Variants in CTNNA3 observed in about 807,000 individuals in gnomAD.
CTNNA3 encodes the protein catenin alpha-3.
A neutral mutation model predicts 95.7 loss-of-function variants in CTNNA3; 76 were observed. The ratio of observed to expected loss-of-function variants is 0.79; its 90% CI spans 0.66 to 0.96. The LOEUF (loss-of-function observed/expected upper bound fraction) is 0.96. CTNNA3 is among the 40% of genes least tolerant of loss of function. The pLI is 0.00. For missense variants in CTNNA3, 1,191 were observed against 1,089.8 expected (o/e 1.09, Z -1.31); for synonymous variants, 431 against 374.4 (o/e 1.15, Z -1.74).
At chr10:66,064,538 C>A (rs2080274588) in intron 15 of CTNNA3, among the ~76,000 whole-genome samples, 1 of 152,020 alleles carries the variant, frequency 6.6e-6, no homozygotes, top group South Asian at 2.1e-4. Flanking sequence ...TAAAGATGGC[C>A]TTTATTTAAA....
intron 12 of CTNNA3, among the ~76,000 whole-genome samples, chr10:66,332,861 CT>C (rs1213172816): frequency 6.6e-6 from 1 of 151,938 alleles, no homozygotes; most frequent in East Asian, 1.9e-4. Flanking sequence ...TGGTCCTGGA[CT>C]TTTTTTGGTT....
chr10:67,131,510 G>A (rs369261905), intron 7 of CTNNA3, among the ~76,000 whole-genome samples: 87 of 152,052 alleles, frequency 5.7e-4, no homozygotes, highest in African/African-American at 2.0e-3. Flanking sequence ...TCATTATGCC[G>A]GGTGTTGGTA....
intron 13 of CTNNA3, among the ~76,000 whole-genome samples, chr10:66,103,604 A>G (rs2081743270): frequency 6.6e-6 from 1 of 152,196 alleles, no homozygotes; most frequent in Non-Finnish European, 1.5e-5. Context: ...ACATCATCCT[A>G]AGTGAAGGGA....
At chr10:67,122,819 G>A (rs532194483) in intron 7 of CTNNA3, among the ~76,000 whole-genome samples, 2 of 152,082 alleles carry the variant, frequency 1.3e-5, no homozygotes, top group Non-Finnish European at 2.9e-5. Flanking sequence ...CAGGAGCATC[G>A]GTCTGATGAG....
intron 7 of CTNNA3, among the ~76,000 whole-genome samples, chr10:66,982,264 G>A (rs1385110855): frequency 6.6e-6 from 1 of 152,158 alleles, no homozygotes; most frequent in African/African-American, 2.4e-5. Flanking sequence ...ATGTAAAACA[G>A]AGGCCAATTG....
chr10:67,501,747 G>A (rs538704148), intron 5 of CTNNA3, among the ~76,000 whole-genome samples: 1 of 151,994 alleles, frequency 6.6e-6, no homozygotes, highest in Non-Finnish European at 1.5e-5. Context: ...TCTTCCGCTT[G>A]ATCGATTCAG....
chr10:65,952,200 C>T (rs1319056316), intron 17 of CTNNA3, among the ~76,000 whole-genome samples: 1 of 151,982 alleles, frequency 6.6e-6, no homozygotes, highest in East Asian at 1.9e-4. Flanking sequence ...ATTAGTTTAC[C>T]TAGATATCAA....
chr10:66,719,052 C>T (rs1848544098), intron 9 of CTNNA3, among the ~76,000 whole-genome samples: 3 of 152,158 alleles, frequency 2.0e-5, no homozygotes, highest in South Asian at 2.1e-4. Flanking sequence ...TGTATCAAAT[C>T]ACTCAATGTT....
rs992226413 is a variant in CTNNA3 at position 67,346,563 on chromosome 10, G to T, written c.580-126693C>A. On this transcript the variant is annotated intron_variant, in intron 5 of 17. Coordinates refer to ENST00000433211, the MANE Select transcript of CTNNA3 (RefSeq NM_013266.4). ...TTTAAATTAAATTAATGAATAAATGGACCTTATTAGAACAGACGAGGCTTG... is the reference window on the plus strand; with the variant it reads ...TTTAAATTAAATTAATGAATAAATGTACCTTATTAGAACAGACGAGGCTTG... 2.3e-5 allele frequency: 4 copies of T among 172,010 alleles called. No homozygotes were observed. In the South Asian group the frequency reaches 3.3e-4, roughly 14 times the overall value. 10.7% of individuals were successfully genotyped at this position (172,010 alleles called of 1,614,324 possible).
intron 7 of CTNNA3, among the ~76,000 whole-genome samples, chr10:66,952,148 A>G (rs1268332316): frequency 1.3e-5 from 2 of 152,198 alleles, no homozygotes; most frequent in East Asian, 3.8e-4. Flanking sequence ...AATCACGTCA[A>G]CCACCACTGG....
At chr10:67,266,126 A>G (rs1234325696) in intron 5 of CTNNA3, among the ~76,000 whole-genome samples, 1 of 152,194 alleles carries the variant, frequency 6.6e-6, no homozygotes, top group Non-Finnish European at 1.5e-5. Context: ...GAAAAAAGTC[A>G]TCAAAAAATT....
chr10:66,685,321 G>GTATATA (rs1564617397), intron 9 of CTNNA3, among the ~76,000 whole-genome samples: 425 of 21,918 alleles, frequency 0.019, 13 homozygotes, highest in Middle Eastern at 0.045. Context: ...GTGTGTGTAT[G>GTATATA]TGTGTATATA....
At chr10:66,117,558 A>C (rs1407543988) in intron 13 of CTNNA3, among the ~76,000 whole-genome samples, 1 of 152,178 alleles carries the variant, frequency 6.6e-6, no homozygotes, top group South Asian at 2.1e-4. Context: ...CTTGTTCATG[A>C]GTCCTCTCAC....
intron 5 of CTNNA3, among the ~76,000 whole-genome samples, chr10:67,276,457 A>G (rs1449935626): frequency 2.6e-5 from 4 of 152,174 alleles, no homozygotes; most frequent in African/African-American, 9.6e-5. Flanking sequence ...TCAGTGCAGT[A>G]TTGTTGGTAT....
chr10:66,093,840 G>C (rs186166279), intron 14 of CTNNA3, among the ~76,000 whole-genome samples: 1 of 152,084 alleles, frequency 6.6e-6, no homozygotes, highest in East Asian at 1.9e-4. Context: ...TTTGGGGCAA[G>C]ATATCTTACA....
At chr10:67,241,130 A>C (rs1476789598) in intron 5 of CTNNA3, among the ~76,000 whole-genome samples, 1 of 152,176 alleles carries the variant, frequency 6.6e-6, no homozygotes, top group Non-Finnish European at 1.5e-5. Flanking sequence ...TCAAATATCC[A>C]TAGGTCAGGG....
intron 5 of CTNNA3, among the ~76,000 whole-genome samples, chr10:67,517,134 G>A (rs1006775948): frequency 1.3e-5 from 2 of 152,002 alleles, no homozygotes; most frequent in Non-Finnish European, 2.9e-5. Flanking sequence ...AGATTGATAG[G>A]TCTTATGATA....
chr10:66,605,880 T>C (rs1844103646), intron 10 of CTNNA3, among the ~76,000 whole-genome samples: 1 of 152,104 alleles, frequency 6.6e-6, no homozygotes, highest in East Asian at 1.9e-4. Flanking sequence ...AGTGACACTA[T>C]AAAGCAACCA....
chr10:66,049,623 T>A (rs1424304726), intron 15 of CTNNA3, among the ~76,000 whole-genome samples: 1 of 152,170 alleles, frequency 6.6e-6, no homozygotes, highest in Non-Finnish European at 1.5e-5. Context: ...TAAAAAAGAA[T>A]GAGAGCATGT....
Sources: gnomAD v4.1 joint callset for allele counts (sites outside exome capture counted in the v4.1 genomes callset) on GRCh38, gnomAD v4.1.1 for gene constraint, MANE v1.5 for transcripts, NCBI Gene and HGNC (gene_info 2026-07-23, HGNC 2026-07-21) for gene names.